OPCML: variants seen among roughly 807,000 people sequenced by gnomAD.
OPCML encodes opioid binding protein/cell adhesion molecule like, also known as opioid-binding protein/cell adhesion molecule.
OPCML carries 13 observed loss-of-function variants against 37.8 expected under a neutral mutation model. The ratio of observed to expected loss-of-function variants is 0.34; its 90% CI spans 0.22 to 0.55. The LOEUF (loss-of-function observed/expected upper bound fraction) is 0.55, where lower values mean the gene tolerates loss of function less well. Among genes scored for constraint, OPCML ranks in the 20% least tolerant of loss-of-function variants. OPCML has a pLI of 0.91. For missense variants in OPCML, 341 were observed against 435.6 expected (o/e 0.78, Z 1.93); for synonymous variants, 176 against 168.8 (o/e 1.04, Z -0.33).
intron 7 of OPCML, among the ~76,000 whole-genome samples, chr11:132,420,709 T>G (rs996639355): frequency 1.3e-5 from 2 of 151,978 alleles, no homozygotes; most frequent in African/African-American, 4.8e-5. Flanking sequence ...GAGCAGATGG[T>G]GGGGTAGGAA....
Position 133,462,939 on chromosome 11 carries a change from C to T in OPCML, c.61+69325G>A, listed in dbSNP as rs1313497094. Among the ~76,000 whole-genome samples the T allele has an allele frequency of 1.1e-4, 17 of 151,864 alleles. No individual in the cohort carries two copies. The East Asian group carries it at 1.4e-3, about 12-fold the overall frequency. ...AAAAGGTGGAAGCAACTCAGGTGTCCGCTGATGAATAAGTGGATAAACAAA... is the reference window on the plus strand; with the variant it reads ...AAAAGGTGGAAGCAACTCAGGTGTCTGCTGATGAATAAGTGGATAAACAAA... On this transcript the variant is annotated intron_variant, in intron 1 of 7. Coordinates refer to ENST00000524381, the MANE Select transcript of OPCML (RefSeq NM_001012393.5).
intron 7 of OPCML, among the ~76,000 whole-genome samples, chr11:132,431,110 T>TAAAGCTAACG (rs1308895587): frequency 2.0e-5 from 3 of 152,332 alleles, no homozygotes; most frequent in African/African-American, 7.2e-5. Flanking sequence ...ACCCACTCAG[T>TAAAGCTAACG]AAAGCTAACG....
At chr11:133,157,840 C>T (rs1488766977) in intron 1 of OPCML, among the ~76,000 whole-genome samples, 1 of 152,198 alleles carries the variant, frequency 6.6e-6, no homozygotes, top group East Asian at 1.9e-4. Context: ...ATACTACCTC[C>T]TCTTCTGCGT....
At position 132,765,544 on chromosome 11, in the gene OPCML, G is replaced by A. The variant is rs1349939866; in HGVS notation, c.147-108225C>T. The stretch of plus-strand genomic sequence containing the variant: ...AGCAGATTCTTACCTGTTTGCTCCT[G>A]AATTTAGCCCTGAGGACAATCTTTT... On this transcript the variant is annotated intron_variant, in intron 2 of 7. Transcript: ENST00000524381. Among the ~76,000 whole-genome samples, 3 of 152,142 alleles carry A rather than the reference G, an allele frequency of 2.0e-5. No homozygotes were observed. The South Asian group carries it at 6.2e-4, about 32-fold the overall frequency.
At chr11:132,800,115 G>C (rs955429463) in intron 2 of OPCML, among the ~76,000 whole-genome samples, 1 of 152,068 alleles carries the variant, frequency 6.6e-6, no homozygotes, top group Non-Finnish European at 1.5e-5. Flanking sequence ...ATGTTTTGTA[G>C]ATATCAGAGC....
intron 1 of OPCML, among the ~76,000 whole-genome samples, chr11:133,218,345 G>T (rs1210198143): frequency 6.6e-6 from 1 of 152,152 alleles, no homozygotes; most frequent in African/African-American, 2.4e-5. Context: ...GAAATACAAG[G>T]TTTGTCGATA....
At chr11:133,487,685 T>C (rs1032174074) in intron 1 of OPCML, among the ~76,000 whole-genome samples, 2 of 152,158 alleles carry the variant, frequency 1.3e-5, no homozygotes, top group African/African-American at 4.8e-5. Flanking sequence ...GAGGCAAGGA[T>C]AGTTTCTAGC....
rs71477795 is a variant in OPCML, at chr11:133,433,251, C to CAAAAAAAAAAAAAA, written c.61+98999_61+99012dup. Among the ~76,000 whole-genome samples, 219 of 90,684 alleles carry CAAAAAAAAAAAAAA rather than the reference C, an allele frequency of 2.4e-3. 22 individuals carry two copies. Among genetic ancestry groups the CAAAAAAAAAAAAAA allele is most frequent in the African/African-American group, 9.5e-3 (208 of 21,798 alleles). The allele number at this position is 90,684 out of a possible 152,430, so 59.5% of individuals were successfully genotyped here. A position where few individuals can be genotyped will look rare whatever the true frequency, so the allele number is the denominator to read the frequency against. ...TGGGCGACAGAGCGAGACTCCGTCT[C>CAAAAAAAAAAAAAA]AAAAAAAAAAAAAAAAAAATATTAC... On this transcript the variant is annotated intron_variant, in intron 1 of 7. Coordinates refer to ENST00000524381, the MANE Select transcript of OPCML (RefSeq NM_001012393.5).
intron 2 of OPCML, among the ~76,000 whole-genome samples, chr11:132,681,599 T>C (rs1379946887): frequency 1.3e-5 from 2 of 152,094 alleles, no homozygotes; most frequent in South Asian, 2.1e-4. Context: ...CACCCTTCAG[T>C]TTGTTCCTGC....
chr11:133,223,463 C>A (rs1455471831), intron 1 of OPCML, among the ~76,000 whole-genome samples: 1 of 152,096 alleles, frequency 6.6e-6, no homozygotes, highest in Non-Finnish European at 1.5e-5. Context: ...TAATCCTTTC[C>A]TCTGCCATTC....
At chr11:132,533,247 G>A (rs530077836) in intron 3 of OPCML, among the ~76,000 whole-genome samples, 30 of 152,240 alleles carry the variant, frequency 2.0e-4, no homozygotes, top group African/African-American at 6.5e-4. Context: ...TTACAATAGG[G>A]CCTTTGCATA....
chr11:133,211,709 C>G lies in OPCML; in HGVS notation c.62-268699G>C, dbSNP rs1939367750. ...TCATCTGGCTTTGTGGCAACACAGA[C>G]TGTGTGGACTAAATCATCGTGAGCA... On this transcript the variant is annotated intron_variant, in intron 1 of 7. Coordinates refer to ENST00000524381, the MANE Select transcript of OPCML (RefSeq NM_001012393.5). The surrounding 1 kb of genome is among the most constrained non-coding windows in gnomAD (Gnocchi z 4.1). Among the ~76,000 whole-genome samples, 1 of 152,224 alleles carries G rather than the reference C, an allele frequency of 6.6e-6. No homozygotes were observed. The highest frequency in any genetic ancestry group is 1.5e-5 in the Non-Finnish European group (1 of 68,038).
chr11:132,840,082 G>A (rs1380338927), intron 2 of OPCML, among the ~76,000 whole-genome samples: 2 of 152,148 alleles, frequency 1.3e-5, no homozygotes, highest in Admixed American at 6.5e-5. Context: ...AATGAGGACA[G>A]TGGAGGAAAA....
chr11:132,960,677 C>T (rs1946073912), intron 1 of OPCML, among the ~76,000 whole-genome samples: 1 of 152,198 alleles, frequency 6.6e-6, no homozygotes, highest in Non-Finnish European at 1.5e-5. Flanking sequence ...CCATCCGACA[C>T]GTTTATGAAT....
intron 4 of OPCML, among the ~76,000 whole-genome samples, chr11:132,457,802 G>T (rs1363934621): frequency 6.6e-6 from 1 of 152,170 alleles, no homozygotes; most frequent in Non-Finnish European, 1.5e-5. Context: ...GAGGCAATGG[G>T]CTGTCTCTTC....
intron 4 of OPCML, among the ~76,000 whole-genome samples, chr11:132,527,970 A>G (rs2096313136): frequency 6.6e-6 from 1 of 152,188 alleles, no homozygotes; most frequent in Non-Finnish European, 1.5e-5. Context: ...ATTACCAGCA[A>G]ACCATCAGCA....
At chr11:132,715,139 C>T (rs991019056) in intron 2 of OPCML, among the ~76,000 whole-genome samples, 1 of 152,164 alleles carries the variant, frequency 6.6e-6, no homozygotes, top group Non-Finnish European at 1.5e-5. Context: ...GACCTCATTC[C>T]TCCCTCTCTC....
chr11:132,725,095 G>A (rs1944828644), intron 2 of OPCML, among the ~76,000 whole-genome samples: 2 of 152,216 alleles, frequency 1.3e-5, no homozygotes, highest in South Asian at 4.1e-4. Context: ...CAGTGCCCCA[G>A]TAGGGACTCT....
At chr11:132,691,542 G>C (rs150989945) in intron 2 of OPCML, among the ~76,000 whole-genome samples, 2 of 152,170 alleles carry the variant, frequency 1.3e-5, no homozygotes, top group Admixed American at 1.3e-4. Context: ...TAAAATGTAG[G>C]ATAAAAGATG....
Sources: gnomAD v4.1 joint callset for allele counts (sites outside exome capture counted in the v4.1 genomes callset) on GRCh38, gnomAD v4.1.1 for gene constraint, Gnocchi (gnomAD v3.1) non-coding constraint, MANE v1.5 for transcripts, NCBI Gene and HGNC (gene_info 2026-07-23, HGNC 2026-07-21) for gene names.